NELL1: variants seen among roughly 807,000 people sequenced by gnomAD.
NELL1 encodes protein kinase C-binding protein NELL1.
A neutral mutation model predicts 107.4 loss-of-function variants in NELL1; 76 were observed. The observed-to-expected ratio is 0.71, with a 90% CI of 0.59 to 0.86. The LOEUF is 0.86. NELL1 is among the 40% of genes least tolerant of loss of function. The pLI, the probability that NELL1 is intolerant of heterozygous loss-of-function variation, is 0.00. For synonymous variants in NELL1, 353 were observed against 341.2 expected (o/e 1.03, Z -0.38); for missense variants, 1,024 against 1,005.5 (o/e 1.02, Z -0.25).
intron 13 of NELL1, among the ~76,000 whole-genome samples, chr11:21,150,718 A>C (rs1856096027): frequency 6.6e-6 from 1 of 152,164 alleles, no homozygotes; most frequent in South Asian, 2.1e-4. Flanking sequence ...CTTTCACCCA[A>C]ATATTCTAAT....
At chr11:21,520,606 C>A (rs1431288528) in intron 15 of NELL1, among the ~76,000 whole-genome samples, 2 of 152,072 alleles carry the variant, frequency 1.3e-5, no homozygotes, top group African/African-American at 2.4e-5. Context: ...GTCTAGAGCC[C>A]CAACACTTGT....
At chr11:20,781,751 G>A (rs888605718) in intron 2 of NELL1, among the ~76,000 whole-genome samples, 3 of 151,834 alleles carry the variant, frequency 2.0e-5, no homozygotes, top group Non-Finnish European at 2.9e-5. Context: ...AATGATAATA[G>A]GGTGCAGTGG....
At chr11:21,445,971 A>G (rs2133851872) in intron 15 of NELL1, among the ~76,000 whole-genome samples, 1 of 152,142 alleles carries the variant, frequency 6.6e-6, no homozygotes, top group East Asian at 1.9e-4. Flanking sequence ...TTTATGTCCA[A>G]TGACTCTTAG....
At chr11:20,697,508 A>G (rs1854655071) in intron 2 of NELL1, among the ~76,000 whole-genome samples, 1 of 152,060 alleles carries the variant, frequency 6.6e-6, no homozygotes, top group African/African-American at 2.4e-5. Context: ...TTTATGTAAC[A>G]AGATAGAACA....
intron 15 of NELL1, among the ~76,000 whole-genome samples, chr11:21,487,881 T>A (rs1335398442): frequency 6.6e-6 from 1 of 152,174 alleles, no homozygotes; most frequent in African/African-American, 2.4e-5. Flanking sequence ...GGAGTAGCTA[T>A]ACTTATTTCA....
chr11:20,803,387 TA>T (rs1164596063), intron 3 of NELL1, among the ~76,000 whole-genome samples: 1 of 152,210 alleles, frequency 6.6e-6, no homozygotes, highest in Non-Finnish European at 1.5e-5. Flanking sequence ...ATTTCTGTAG[TA>T]TCAGTTGTAA....
chr11:21,565,956 G>T (rs1856962955), intron 17 of NELL1, among the ~76,000 whole-genome samples: 1 of 152,012 alleles, frequency 6.6e-6, no homozygotes, highest in East Asian at 2.0e-4. Flanking sequence ...GGTGCGTCTA[G>T]ATTACCAACC....
At chr11:21,340,350 C>A (rs1371221925) in intron 14 of NELL1, among the ~76,000 whole-genome samples, 1 of 152,092 alleles carries the variant, frequency 6.6e-6, no homozygotes, top group African/African-American at 2.4e-5. Flanking sequence ...GATGGTGTTT[C>A]ACAGTGTTAG....
chr11:20,850,772 C>T (rs1407320770), intron 4 of NELL1, among the ~76,000 whole-genome samples: 1 of 152,088 alleles, frequency 6.6e-6, no homozygotes, highest in Non-Finnish European at 1.5e-5. Flanking sequence ...TGATGGAACC[C>T]TTTACTTTGG....
chr11:21,191,955 GA>G (rs1294954373), intron 13 of NELL1, among the ~76,000 whole-genome samples: 1 of 151,878 alleles, frequency 6.6e-6, no homozygotes, highest in African/African-American at 2.4e-5. Context: ...ATATGTGAAA[GA>G]TATAAAAATT....
intron 14 of NELL1, among the ~76,000 whole-genome samples, chr11:21,325,649 C>G (rs1850114783): frequency 1.3e-5 from 2 of 151,948 alleles, no homozygotes; most frequent in South Asian, 4.1e-4. Context: ...AAATTGCATA[C>G]AGTGAAATAC....
chr11:21,263,137 A>T (rs1848566114), intron 14 of NELL1, among the ~76,000 whole-genome samples: 1 of 151,842 alleles, frequency 6.6e-6, no homozygotes, highest in South Asian at 2.1e-4. Context: ...TGAGTAATCA[A>T]GGGATAGTGA....
chr11:21,039,822 G>T (rs1481530134), intron 12 of NELL1, among the ~76,000 whole-genome samples: 2 of 152,078 alleles, frequency 1.3e-5, no homozygotes, highest in Non-Finnish European at 2.9e-5. Context: ...TCATTCTGGA[G>T]CTGATATATA....
intron 14 of NELL1, among the ~76,000 whole-genome samples, chr11:21,339,548 G>C (rs563346473): frequency 2.6e-5 from 4 of 152,138 alleles, no homozygotes; most frequent in Non-Finnish European, 5.9e-5. Context: ...TCTTTTCATC[G>C]TGTCAGTGCC....
intron 15 of NELL1, among the ~76,000 whole-genome samples, chr11:21,522,840 T>C (rs978909135): frequency 4.9e-5 from 6 of 122,788 alleles, no homozygotes; most frequent in South Asian, 5.8e-4. Flanking sequence ...TTTTCTTTTT[T>C]TTTTTTTTTT....
chr11:20,767,921 A>G (rs1856564882), intron 2 of NELL1, among the ~76,000 whole-genome samples: 1 of 152,192 alleles, frequency 6.6e-6, no homozygotes, highest in Non-Finnish European at 1.5e-5. Flanking sequence ...TTAGATTGTA[A>G]TATATACTAT....
chr11:21,413,282 CA>C (rs1169937554), intron 15 of NELL1, among the ~76,000 whole-genome samples: 1 of 151,710 alleles, frequency 6.6e-6, no homozygotes, highest in Admixed American at 6.6e-5. Context: ...TCTGGATGGA[CA>C]ATCTGGACCT....
intron 15 of NELL1, among the ~76,000 whole-genome samples, chr11:21,448,023 T>C (rs937296220): frequency 6.6e-6 from 1 of 152,172 alleles, no homozygotes; most frequent in East Asian, 1.9e-4. Context: ...TTTTCTCTCC[T>C]TCTCCCAAAC....
chr11:21,492,125 C>G (rs1854837237), intron 15 of NELL1, among the ~76,000 whole-genome samples: 1 of 152,166 alleles, frequency 6.6e-6, no homozygotes, highest in African/African-American at 2.4e-5. Flanking sequence ...ATTTATGCAA[C>G]CAAAAAACAC....
Sources: allele counts gnomAD v4.1 joint callset (sites outside exome capture counted in the v4.1 genomes callset), GRCh38; gene constraint gnomAD v4.1.1; transcripts MANE v1.5; gene names NCBI Gene and HGNC (gene_info 2026-07-23, HGNC 2026-07-21).